ATP2B2: variants seen among roughly 807,000 people sequenced by gnomAD.
ATP2B2 encodes the protein plasma membrane calcium-transporting ATPase 2.
In ATP2B2, 15 loss-of-function variants were observed where a neutral mutation model predicts 120.0. The observed-to-expected ratio is 0.12, with a 90% confidence interval of 0.08 to 0.19. ATP2B2 has a LOEUF of 0.19. Among genes scored for constraint, ATP2B2 ranks in the 10% least tolerant of loss-of-function variants. ATP2B2 has a pLI of 1.00. For missense variants in ATP2B2, 1,045 were observed against 1,719.8 expected (o/e 0.61, Z 6.94); for synonymous variants, 694 against 700.3 (o/e 0.99, Z 0.14).
At chr3:10,657,904 A>G (rs1575598473) in intron 1 of ATP2B2, among the ~76,000 whole-genome samples, 1 of 152,242 alleles carries the variant, frequency 6.6e-6, no homozygotes, top group Non-Finnish European at 1.5e-5. Flanking sequence ...TGAAACTTCC[A>G]GAGGAACTGT....
At chr3:10,462,072 C>T (rs896859821) in intron 1 of ATP2B2, among the ~76,000 whole-genome samples, 2 of 152,130 alleles carry the variant, frequency 1.3e-5, no homozygotes, top group Non-Finnish European at 2.9e-5. Context: ...TAATGCCTTG[C>T]CTCTCCCTGG....
intron 2 of ATP2B2, among the ~76,000 whole-genome samples, chr3:10,602,307 T>A (rs2068946085): frequency 6.6e-6 from 1 of 152,244 alleles, no homozygotes; most frequent in African/African-American, 2.4e-5. Flanking sequence ...TCCCAGACTC[T>A]GCCGTTGTGG....
intron 5 of ATP2B2, among the ~76,000 whole-genome samples, chr3:10,397,979 C>T (rs1054931326): frequency 6.9e-6 from 1 of 144,672 alleles, no homozygotes; most frequent in Non-Finnish European, 1.5e-5. Context: ...AGCCACACTC[C>T]TTTGCCCTGC....
chr3:10,565,389 C>T (rs534948354), intron 2 of ATP2B2, among the ~76,000 whole-genome samples: 7 of 152,246 alleles, frequency 4.6e-5, no homozygotes, highest in East Asian at 3.9e-4. Flanking sequence ...CCATCTCTCG[C>T]GTGGGCTTAG....
At chr3:10,385,094 C>T (rs1179866727) in intron 8 of ATP2B2, among the ~76,000 whole-genome samples, 174 bp downstream of exon 8, 1 of 152,174 alleles carries the variant, frequency 6.6e-6, no homozygotes, top group East Asian at 1.9e-4. Flanking sequence ...GCTGACTCCC[C>T]CGGCTGTGGC....
Position 10,402,479 on chromosome 3 carries a change from G to GACACAC in ATP2B2, c.398-132_398-131insGTGTGT. 2.2e-6 allele frequency: 3 copies of GACACAC among 1,350,046 alleles called. No individual in the cohort carries two copies. The highest frequency in any genetic ancestry group is 3.1e-6 in the Non-Finnish European group (3 of 962,962). 83.6% of individuals were successfully genotyped at this position (1,350,046 alleles called of 1,614,324 possible). On this transcript the variant is annotated intron_variant, in intron 3 of 22. Transcript: ENST00000360273. This position sits in a 1 kb window ranked among gnomAD's most constrained non-coding sequence, Gnocchi z 4.9. ...CAGATGATAATTATCCACTTACTCAGTGTGTCTGGGTACCAAGCCCTGTGG... is the reference window on the plus strand; with the variant it reads ...CAGATGATAATTATCCACTTACTCAGACACACTGTGTCTGGGTACCAAGCCCTGTGG...
intron 2 of ATP2B2, among the ~76,000 whole-genome samples, chr3:10,554,944 C>T (rs2067747085): frequency 6.6e-6 from 1 of 152,178 alleles, no homozygotes; most frequent in Non-Finnish European, 1.5e-5. Flanking sequence ...AGGCCCCTTC[C>T]CTGCCATTCT....
chr3:10,484,094 T>C (rs1015209419), intron 1 of ATP2B2, among the ~76,000 whole-genome samples: 2 of 152,194 alleles, frequency 1.3e-5, no homozygotes, highest in African/African-American at 4.8e-5. Flanking sequence ...ACAGGCAGCA[T>C]TGGCGGGGTG....
chr3:10,585,493 G>GAAAAAAAAAAAACA, intron 2 of ATP2B2, among the ~76,000 whole-genome samples: 1 of 28,506 alleles, frequency 3.5e-5, no homozygotes, highest in Non-Finnish European at 5.7e-5. Flanking sequence ...GACTCCGTCT[G>GAAAAAAAAAAAACA]AAAAAAAAAA....
At chr3:10,653,318 A>G (rs977181177) in intron 1 of ATP2B2, among the ~76,000 whole-genome samples, 14 of 152,108 alleles carry the variant, frequency 9.2e-5, no homozygotes, top group Admixed American at 1.3e-4. Context: ...CTCATCCTGG[A>G]AACATTGTTT....
rs144081934 is a variant in ATP2B2, at chr3:10,680,534, C to T, written c.-460+27381G>A. Reference sequence around the variant, plus strand: ...AGTGACCTTGGGCAGGCCATCGTGTCCTGATGCCTTGGCATCTTCATCCAG... The same window carrying T: ...AGTGACCTTGGGCAGGCCATCGTGTTCTGATGCCTTGGCATCTTCATCCAG... On this transcript the variant is annotated intron_variant, in intron 1 of 21. Coordinates refer to the ATP2B2 transcript ENST00000646379. 3.6e-3 allele frequency among the ~76,000 whole-genome samples: 541 copies of T among 152,212 alleles called. 1 individual carries two copies. The highest frequency in any genetic ancestry group is 5.2e-3 in the Non-Finnish European group (351 of 67,996).
chr3:10,528,475 C>A (rs543141304), intron 3 of ATP2B2, among the ~76,000 whole-genome samples: 4 of 152,332 alleles, frequency 2.6e-5, no homozygotes, highest in African/African-American at 9.6e-5. Context: ...ATCACTTTCT[C>A]TTCATAGAGA....
At chr3:10,371,736 C>T (rs1220322679) in intron 12 of ATP2B2, 73 bp downstream of exon 12, 1 of 1,610,126 alleles carries the variant, frequency 6.2e-7, no homozygotes, top group Admixed American at 1.7e-5. Context: ...TCACATTGCT[C>T]AACCTGCCCA....
chr3:10,539,916 T>C (rs892932306), intron 2 of ATP2B2, among the ~76,000 whole-genome samples: 3 of 152,062 alleles, frequency 2.0e-5, no homozygotes, highest in Admixed American at 6.5e-5. Flanking sequence ...GAAACTACCA[T>C]CAGAGTGAAC....
intron 1 of ATP2B2, among the ~76,000 whole-genome samples, chr3:10,465,049 G>T (rs1177766583): frequency 6.6e-6 from 1 of 152,228 alleles, no homozygotes; most frequent in East Asian, 1.9e-4. Context: ...ATCTTGGGCT[G>T]CTCTGGGGAG....
At chr3:10,350,627 TC>T in intron 14 of ATP2B2, 50 bp from the exon 15 acceptor site, 3 of 1,577,080 alleles carry the variant, frequency 1.9e-6, no homozygotes, top group African/African-American at 1.3e-5. Context: ...TCAGGCAGAC[TC>T]CCCCTGCCTT....
chr3:10,422,433 A>G (rs1330607615), intron 2 of ATP2B2, among the ~76,000 whole-genome samples: 1 of 152,188 alleles, frequency 6.6e-6, no homozygotes, highest in Non-Finnish European at 1.5e-5. Context: ...TTATGATCAC[A>G]TCACGGTGTT....
At chr3:10,526,010 A>G (rs1032478138) in intron 3 of ATP2B2, among the ~76,000 whole-genome samples, 6 of 152,254 alleles carry the variant, frequency 3.9e-5, no homozygotes, top group African/African-American at 1.4e-4. Context: ...ATAAGGCTGT[A>G]GTGAAGATGA....
chr3:10,509,144 G>T (rs892436127), upstream of ATP2B2, among the ~76,000 whole-genome samples: 3 of 152,158 alleles, frequency 2.0e-5, no homozygotes, highest in African/African-American at 7.2e-5. Flanking sequence ...CAATAGAGGA[G>T]GCTCTCTGCA....
Sources: allele counts gnomAD v4.1 joint callset (sites outside exome capture counted in the v4.1 genomes callset), GRCh38; gene constraint gnomAD v4.1.1; non-coding constraint Gnocchi (gnomAD v3.1); transcripts MANE v1.5; gene names NCBI Gene and HGNC (gene_info 2026-07-23, HGNC 2026-07-21).